DOK6: variants seen among roughly 807,000 people sequenced by gnomAD.
The protein encoded by DOK6 is downstream of tyrosine kinase 6.
Under a neutral mutation model 44.0 loss-of-function variants are expected in DOK6, and 22 were observed. The observed-to-expected ratio is 0.50, with a 90% CI of 0.36 to 0.71. The LOEUF is 0.71. Among genes scored for constraint, DOK6 ranks in the 30% least tolerant of loss-of-function variants. The probability of loss-of-function intolerance (pLI) is 0.00; values close to 1 mark genes in which losing one functional copy is unlikely to be tolerated. For synonymous variants in DOK6, 166 were observed against 145.5 expected (o/e 1.14, Z -1.01); for missense variants, 340 against 416.4 (o/e 0.82, Z 1.60).
intron 3 of DOK6, among the ~76,000 whole-genome samples, chr18:69,669,280 C>T (rs1208901451): frequency 6.6e-6 from 1 of 152,146 alleles, no homozygotes; most frequent in East Asian, 1.9e-4. Context: ...TAGGCCCTGG[C>T]GTCTCTTGTT....
At chr18:69,582,512 T>A (rs985681142) in intron 2 of DOK6, among the ~76,000 whole-genome samples, 1 of 152,306 alleles carries the variant, frequency 6.6e-6, no homozygotes, top group African/African-American at 2.4e-5. Context: ...GTACAAATAC[T>A]CTTTTTCATC....
chr18:69,484,913 A>G (rs1980531372), intron 1 of DOK6, among the ~76,000 whole-genome samples: 1 of 152,174 alleles, frequency 6.6e-6, no homozygotes, highest in African/African-American at 2.4e-5. Context: ...ACACTTGTTT[A>G]TAGTTAAGAG....
intron 5 of DOK6, among the ~76,000 whole-genome samples, chr18:69,710,742 T>G (rs1986736392): frequency 6.6e-6 from 1 of 152,274 alleles, no homozygotes; most frequent in African/African-American, 2.4e-5. Context: ...AAAGATAATG[T>G]AGTCCATCAT....
At chr18:69,434,959 GGAA>G (rs1978915978) in intron 1 of DOK6, among the ~76,000 whole-genome samples, 1 of 140,314 alleles carries the variant, frequency 7.1e-6, no homozygotes, top group Non-Finnish European at 1.6e-5. Context: ...AGGGAGGGAA[GGAA>G]GGAAGGAAGG....
intron 1 of DOK6, among the ~76,000 whole-genome samples, chr18:69,469,284 T>C (rs1013797594): frequency 6.6e-6 from 1 of 152,212 alleles, no homozygotes; most frequent in Non-Finnish European, 1.5e-5. Context: ...TTATTACTAG[T>C]AATTATTAGA....
intron 3 of DOK6, among the ~76,000 whole-genome samples, chr18:69,647,018 A>G (rs1176369982): frequency 1.5e-5 from 2 of 132,452 alleles, no homozygotes; most frequent in Non-Finnish European, 3.4e-5. Context: ...TATCTACTCT[A>G]TCTCATCTAT....
intron 1 of DOK6, among the ~76,000 whole-genome samples, chr18:69,421,245 G>T (rs1318397298): frequency 6.6e-6 from 1 of 152,156 alleles, no homozygotes; most frequent in East Asian, 1.9e-4. Flanking sequence ...GCTTATCAAA[G>T]ACTACATTGT....
Position 69,606,260 on chromosome 18 carries a change from G to A in DOK6, c.289+6762G>A, listed in dbSNP as rs371254893. 5.4e-5 allele frequency among the ~76,000 whole-genome samples: 8 copies of A among 148,320 alleles called. No homozygotes were observed. In the East Asian group the frequency reaches 9.9e-4, roughly 18 times the overall value. ...GCACTCCAGCCTGGGCAACAAGAGC[G>A]AAACTCCATCTCAAAATAAATAAAT... On this transcript the variant is annotated intron_variant, in intron 3 of 7. Transcript: ENST00000382713.
chr18:69,540,477 T>G (rs1982239393), intron 1 of DOK6, among the ~76,000 whole-genome samples: 1 of 152,210 alleles, frequency 6.6e-6, no homozygotes, highest in Non-Finnish European at 1.5e-5. Flanking sequence ...GCAATCAAAA[T>G]TTAACTAATA....
chr18:69,785,394 T>G (rs1384694476), intron 7 of DOK6, among the ~76,000 whole-genome samples: 2 of 152,230 alleles, frequency 1.3e-5, no homozygotes, highest in Non-Finnish European at 2.9e-5. Context: ...AATTATGTCC[T>G]CAAACTATAT....
At chr18:69,801,912 A>G (rs1463010126) in intron 7 of DOK6, among the ~76,000 whole-genome samples, 1 of 152,198 alleles carries the variant, frequency 6.6e-6, no homozygotes, top group Non-Finnish European at 1.5e-5. Context: ...TCTGTTAGCT[A>G]TTGTCAATAC....
chr18:69,661,968 G>T (rs900177505), intron 3 of DOK6: 1 of 152,126 alleles, frequency 6.6e-6, no homozygotes, highest in Non-Finnish European at 1.5e-5. Flanking sequence ...ATCAGAAGGG[G>T]TTACTAACCT....
chr18:69,482,688 A>T (rs1021349878), intron 1 of DOK6, among the ~76,000 whole-genome samples: 1 of 151,932 alleles, frequency 6.6e-6, no homozygotes, highest in African/African-American at 2.4e-5. Context: ...TATCTTATGT[A>T]TATCTCTGCT....
rs185703734 is a variant in DOK6 at position 69,609,637 on chromosome 18, G to A, written c.289+10139G>A. Among the ~76,000 whole-genome samples the A allele has an allele frequency of 4.6e-3, 696 of 151,714 alleles. 16 individuals carry two copies. Among genetic ancestry groups the A allele is most frequent in the Non-Finnish European group, 2.4e-3 (164 of 67,884 alleles). ...TGGAAGTTCCTCAAAACATTAAAAG[G>A]AGAATTACCATATGATCTGGCAATC... On this transcript the variant is annotated intron_variant, in intron 3 of 7. Coordinates refer to ENST00000382713, the MANE Select transcript of DOK6 (RefSeq NM_152721.6).
chr18:69,709,827 C>T (rs959425205), intron 5 of DOK6, among the ~76,000 whole-genome samples: 1 of 152,032 alleles, frequency 6.6e-6, no homozygotes, highest in African/African-American at 2.4e-5. Context: ...TCTTTACTTG[C>T]TTAGATTTTT....
chr18:69,682,277 G>A lies in DOK6; in HGVS notation c.409+4424G>A, dbSNP rs185872744. 5.8e-3 allele frequency among the ~76,000 whole-genome samples: 881 copies of A among 152,304 alleles called. 6 individuals carry two copies. Among genetic ancestry groups the A allele is most frequent in the Non-Finnish European group, 9.8e-3 (667 of 68,008 alleles). ...TAGAAGCTCACAAAGTAGTAAAGGAGACAAACATAAACAAAGTGCATCAAT... is the reference window on the plus strand; with the variant it reads ...TAGAAGCTCACAAAGTAGTAAAGGAAACAAACATAAACAAAGTGCATCAAT... On this transcript the variant is annotated intron_variant, in intron 4 of 7. Coordinates refer to ENST00000382713, the MANE Select transcript of DOK6 (RefSeq NM_152721.6).
At chr18:69,499,357 TCAATAGATGTGGACTGAAAA>T (rs1206948906) in intron 1 of DOK6, among the ~76,000 whole-genome samples, 5 of 152,254 alleles carry the variant, frequency 3.3e-5, no homozygotes, top group African/African-American at 1.2e-4. Flanking sequence ...AGTCAATCAA[TCAATAGATGTGGACTGAAAA>T]CAATATTCCT....
At chr18:69,754,351 C>CAA (rs34141961) in intron 6 of DOK6, among the ~76,000 whole-genome samples, 58,529 of 120,974 alleles carry the variant, frequency 0.48, 15,146 homozygotes, top group East Asian at 0.71. Context: ...ACCCTATCTC[C>CAA]AAAAAAAAAA....
intron 3 of DOK6, among the ~76,000 whole-genome samples, chr18:69,675,478 C>T (rs1050069599): frequency 4.6e-5 from 7 of 151,996 alleles, no homozygotes; most frequent in African/African-American, 7.2e-5. Flanking sequence ...ATTTTAATTG[C>T]GTGTGACTTT....
Sources: gnomAD v4.1 joint callset for allele counts (sites outside exome capture counted in the v4.1 genomes callset) on GRCh38, gnomAD v4.1.1 for gene constraint, MANE v1.5 for transcripts, NCBI Gene and HGNC (gene_info 2026-07-23, HGNC 2026-07-21) for gene names.